Variants in LRP6 observed in about 807,000 individuals in gnomAD.
LRP6 encodes LDL receptor related protein 6.
Under a neutral mutation model 184.1 loss-of-function variants are expected in LRP6, and 43 were observed. That is an observed-to-expected ratio of 0.23 (90% CI 0.18 to 0.30). The LOEUF is 0.30. LRP6 is among the 10% of genes least tolerant of loss of function. The probability of loss-of-function intolerance (pLI) is 1.00; values close to 1 mark genes in which losing one functional copy is unlikely to be tolerated. For synonymous variants in LRP6, 719 were observed against 684.9 expected, an observed-to-expected ratio of 1.05 and a Z score of -0.78; for missense variants, 1,571 against 2,005.3, an observed-to-expected ratio of 0.78 and a Z score of 4.14.
rs1435282335 is a variant in LRP6 at position 12,262,387 on chromosome 12, AAAAAATAC to A, written c.55+4286_55+4293del. The stretch of plus-strand genomic sequence containing the variant: ...GGGTGAGATACCGTCTCAAAAACCA[AAAAAATAC>A]AAAAATACAAAAATAAGTCAGGCAT... On this transcript the variant is annotated intron_variant, in intron 1 of 22. Transcript: ENST00000261349. 2.3e-3 allele frequency among the ~76,000 whole-genome samples: 345 copies of A among 152,056 alleles called. 1 individual carries two copies. Among genetic ancestry groups the A allele is most frequent in the African/African-American group, 8.0e-3 (334 of 41,494 alleles).
At chr12:12,244,079 T>C (rs556869998) in intron 2 of LRP6, among the ~76,000 whole-genome samples, 183 bp downstream of exon 2, 1 of 152,212 alleles carries the variant, frequency 6.6e-6, no homozygotes, top group South Asian at 2.1e-4. Context: ...GCAAAAACCC[T>C]GTCAAAAATA....
At chr12:12,219,401 T>TC (rs1403142006) in intron 2 of LRP6, among the ~76,000 whole-genome samples, 1 of 152,074 alleles carries the variant, frequency 6.6e-6, no homozygotes, top group Non-Finnish European at 1.5e-5. Flanking sequence ...AGATGAGGTT[T>TC]CCCATGTTGG....
intron 4 of LRP6, among the ~76,000 whole-genome samples, chr12:12,186,137 G>A (rs998985487): frequency 4.6e-5 from 7 of 151,954 alleles, no homozygotes; most frequent in Admixed American, 2.0e-4. Flanking sequence ...ATGAGCCACC[G>A]CGCCTGGCCC....
chr12:12,207,548 A>G (rs1864096786), intron 2 of LRP6, among the ~76,000 whole-genome samples: 1 of 152,042 alleles, frequency 6.6e-6, no homozygotes, highest in Admixed American at 6.5e-5. Flanking sequence ...TAATAATAAT[A>G]ACGCTTTCAG....
intron 9 of LRP6, 51 bp downstream of exon 9, chr12:12,164,222 G>C (rs1391179139): frequency 6.5e-7 from 1 of 1,538,278 alleles, no homozygotes. Context: ...AGAAATTCTA[G>C]AAGTTCTCCC....
At chr12:12,164,955 A>AAAAAAG (rs1862837941) in intron 8 of LRP6, 124 bp downstream of exon 8, 6 of 529,266 alleles carry the variant, frequency 1.1e-5, no homozygotes, top group Admixed American at 6.5e-5. Flanking sequence ...AAAAAAAAAA[A>AAAAAAG]GGCGGGGGGG....
rs1037112568 is a variant in LRP6 at position 12,222,462 on chromosome 12, T to C, written c.450-19062A>G. ...GGTGCCTGTAATCCCACCTACTCGG[T>C]AGGCTGAGGCAGGAGAATCGCTTGA... On this transcript the variant is annotated intron_variant, in intron 2 of 22. Coordinates refer to ENST00000261349, the MANE Select transcript of LRP6 (RefSeq NM_002336.3). Among the ~76,000 whole-genome samples, 4 of 150,790 alleles carry C rather than the reference T, an allele frequency of 2.7e-5. No homozygotes were observed. The Admixed American group carries it at 2.7e-4, about 10-fold the overall frequency.
At chr12:12,161,472 G>C (rs576910915) in intron 10 of LRP6, among the ~76,000 whole-genome samples, 1 of 152,098 alleles carries the variant, frequency 6.6e-6, no homozygotes, top group East Asian at 1.9e-4. Context: ...GTTTCACCAT[G>C]TTGGCCAGGC....
chr12:12,216,575 T>C (rs1864350250), intron 2 of LRP6, among the ~76,000 whole-genome samples: 1 of 151,560 alleles, frequency 6.6e-6, no homozygotes, highest in Admixed American at 6.6e-5. Context: ...AACCGTTAGG[T>C]AGAATGACAG....
intron 16 of LRP6, 44 bp from the exon 17 acceptor site, chr12:12,135,344 A>AG: frequency 1.5e-6 from 2 of 1,319,748 alleles, no homozygotes; most frequent in Non-Finnish European, 2.2e-6. Context: ...GGGGGAGTGG[A>AG]GGGGGAGAGA....
intron 1 of LRP6, among the ~76,000 whole-genome samples, chr12:12,252,021 G>A (rs1180091553): frequency 6.6e-6 from 1 of 152,096 alleles, no homozygotes; most frequent in Non-Finnish European, 1.5e-5. Context: ...AGCCTCCTGA[G>A]GAGCTAGAAC....
At position 12,239,970 on chromosome 12, in the gene LRP6, A is replaced by C. The variant is rs1186285470; in HGVS notation, c.449+4292T>G. 2.6e-5 allele frequency among the ~76,000 whole-genome samples: 4 copies of C among 151,870 alleles called. No individual in the cohort carries two copies. In the East Asian group the frequency reaches 7.7e-4, roughly 29 times the overall value. ...GGATATTACTTGATATGAAGAAACTAAAACTGGATGAGAGTTAAGATATTA... is the reference window on the plus strand; with the variant it reads ...GGATATTACTTGATATGAAGAAACTCAAACTGGATGAGAGTTAAGATATTA... On this transcript the variant is annotated intron_variant, in intron 2 of 22. Coordinates refer to ENST00000261349, the MANE Select transcript of LRP6 (RefSeq NM_002336.3).
intron 22 of LRP6, among the ~76,000 whole-genome samples, 172 bp downstream of exon 22, chr12:12,124,393 T>A (rs1411689967): frequency 6.6e-6 from 1 of 151,906 alleles, no homozygotes; most frequent in Non-Finnish European, 1.5e-5. Flanking sequence ...AAAAAAAGTA[T>A]AACGTCCTGA....
chr12:12,242,408 G>T (rs1865089717), intron 2 of LRP6, among the ~76,000 whole-genome samples: 1 of 152,018 alleles, frequency 6.6e-6, no homozygotes, highest in Admixed American at 6.6e-5. Context: ...CCCTTACAGT[G>T]GTAAAATTGA....
At chr12:12,208,478 G>A (rs937158200) in intron 2 of LRP6, among the ~76,000 whole-genome samples, 1 of 152,162 alleles carries the variant, frequency 6.6e-6, no homozygotes, top group Admixed American at 6.5e-5. Flanking sequence ...ACTTTTCTTA[G>A]AAACCTTTCC....
rs773594790 is a variant in LRP6, at chr12:12,147,389, C to A, written c.3374G>T (p.Arg1125Leu). 4 of 1,613,980 alleles carry A rather than the reference C, an allele frequency of 2.5e-6. No individual in the cohort carries two copies. The highest frequency in any genetic ancestry group is 3.3e-5 in the Admixed American group (2 of 59,996). Residue 1125 changes from arginine to leucine, a missense_variant, in exon 15 of 23, where the codon CGA (arginine) becomes CTA (leucine). Physicochemically the swap from Arg to Leu is moderately radical, Grantham distance 102. Around this residue, in one of 4 missense-constraint regions of LRP6, gnomAD observed 763 missense variants for 859.5 expected, o/e 0.89. Transcript: ENST00000261349. ...KLFWADSDLR[R>L]IESSDLSGAN... is the part of the protein sequence containing the mutation. ...ACCTGAGAGATCACTGCTTTCAATT[C>A]GCCGGAGATCTGAATCAGCCCAAAA... is the stretch of plus-strand genomic sequence containing the variant.
chr12:12,138,328 A>G lies in LRP6; in HGVS notation c.3604T>C (p.Tyr1202His). 6.2e-7 allele frequency: 1 copy of G among 1,612,896 alleles called. No individual in the cohort carries two copies. Among genetic ancestry groups the G allele is most frequent in the Non-Finnish European group, 8.5e-7 (1 of 1,178,878 alleles). Residue 1202 changes from tyrosine to histidine, a missense_variant, in exon 16 of 23, where the codon TAC (tyrosine) becomes CAC (histidine). Coordinates refer to ENST00000261349, the MANE Select transcript of LRP6 (RefSeq NM_002336.3). ...GCTTTATCCCATTAACACTTACTGT[A>G]TTCTTGAAGGTTCAGCTCCTTTACT... ...HAVKELNLQEYRQHPCAQDNG... is the reference protein window; with the variant it reads ...HAVKELNLQEHRQHPCAQDNG...
intron 2 of LRP6, among the ~76,000 whole-genome samples, chr12:12,226,347 C>T (rs1864622984): frequency 6.6e-6 from 1 of 152,118 alleles, no homozygotes; most frequent in South Asian, 2.1e-4. Context: ...GAGCAAGTAC[C>T]ATAACCAGAT....
intron 17 of LRP6, among the ~76,000 whole-genome samples, chr12:12,134,015 A>C (rs1335152812): frequency 6.6e-6 from 1 of 152,144 alleles, no homozygotes; most frequent in Non-Finnish European, 1.5e-5. Context: ...TTCCCTGACT[A>C]CGCTGTATGC....
Sources: gnomAD v4.1 joint callset for allele counts (sites outside exome capture counted in the v4.1 genomes callset) on GRCh38, gnomAD v4.1.1 for gene constraint, gnomAD v4.1.1 regional missense constraint, MANE v1.5 for transcripts, NCBI Gene and HGNC (gene_info 2026-07-23, HGNC 2026-07-21) for gene names.